Variants in ME1 observed in about 807,000 individuals in gnomAD.
The protein encoded by ME1 is malic enzyme 1, also known as NADP-dependent malic enzyme.
A neutral mutation model predicts 66.4 loss-of-function variants in ME1; 74 were observed. The observed-to-expected ratio is 1.11, with a 90% CI of 0.92 to 1.35. ME1 has a LOEUF of 1.35. Among genes scored for constraint, ME1 ranks in the 40% most tolerant of loss-of-function variants. ME1 has a pLI of 0.00. For missense variants in ME1, 750 were observed against 694.1 expected (o/e 1.08, Z -0.90); for synonymous variants, 251 against 235.6 (o/e 1.07, Z -0.60).
chr6:83,245,470 A>T (rs144789846), intron 7 of ME1, among the ~76,000 whole-genome samples: 4,022 of 152,166 alleles, frequency 0.026, 82 homozygotes, highest in Admixed American at 0.055. Context: ...CAATGGCATG[A>T]TCTCGGCTCA....
intron 13 of ME1, among the ~76,000 whole-genome samples, chr6:83,216,295 C>T (rs1036779047): frequency 1.3e-5 from 2 of 152,130 alleles, no homozygotes; most frequent in Admixed American, 6.6e-5. Context: ...ATTAATTATT[C>T]GGCCCAATAC....
At chr6:83,248,432 G>A (rs1011662452) in intron 7 of ME1, among the ~76,000 whole-genome samples, 8 of 152,060 alleles carry the variant, frequency 5.3e-5, no homozygotes, top group African/African-American at 1.4e-4. Context: ...TGTTTGTAGC[G>A]CCAAAGGCAC....
intron 1 of ME1, among the ~76,000 whole-genome samples, chr6:83,420,746 T>C (rs1370662366): frequency 6.6e-6 from 1 of 152,178 alleles, no homozygotes; most frequent in Non-Finnish European, 1.5e-5. Flanking sequence ...GATTCATTCA[T>C]TCAACAAATT....
intron 5 of ME1, among the ~76,000 whole-genome samples, chr6:83,325,290 T>A (rs551209005): frequency 6.6e-6 from 1 of 152,322 alleles, no homozygotes; most frequent in Non-Finnish European, 1.5e-5. Flanking sequence ...AAGCATTCCC[T>A]TTCAAAACTG....
At chr6:83,224,033 T>C in intron 11 of ME1, 100 bp from the exon 12 acceptor site, 1 of 1,071,762 alleles carries the variant, frequency 9.3e-7, no homozygotes, top group Non-Finnish European at 1.3e-6. Context: ...TTATAAGTAC[T>C]TAGAAAGAAG....
chr6:83,349,015 A>ACAAAAC (rs1768747856), intron 4 of ME1, among the ~76,000 whole-genome samples: 1 of 124,026 alleles, frequency 8.1e-6, no homozygotes, highest in Non-Finnish European at 1.7e-5. Context: ...AAAACAAAAA[A>ACAAAAC]CAGTGCATTC....
chr6:83,315,524 AT>A (rs1768015319), intron 5 of ME1, 111 bp from the exon 6 acceptor site: 1 of 649,718 alleles, frequency 1.5e-6, no homozygotes, highest in East Asian at 2.7e-5. Context: ...AAATCTTACC[AT>A]ACTGATTCAG....
chr6:83,303,175 G>A (rs1490648353), intron 6 of ME1, among the ~76,000 whole-genome samples: 1 of 152,114 alleles, frequency 6.6e-6, no homozygotes, highest in African/African-American at 2.4e-5. Context: ...GATACAATCA[G>A]ATGATACTGA....
intron 12 of ME1, among the ~76,000 whole-genome samples, chr6:83,217,780 C>T (rs1012942894): frequency 4.6e-5 from 7 of 151,980 alleles, no homozygotes; most frequent in African/African-American, 1.5e-4. Context: ...GTGAGCTGGA[C>T]TCAGCAGGCC....
Position 83,280,196 on chromosome 6 carries a change from A to G in ME1, c.705-26458T>C, listed in dbSNP as rs533419111. Among the ~76,000 whole-genome samples, 7 of 152,328 alleles carry G rather than the reference A, an allele frequency of 4.6e-5. No homozygotes were observed. In the South Asian group the frequency reaches 1.4e-3, roughly 32 times the overall value. On this transcript the variant is annotated intron_variant, in intron 6 of 13. Transcript: ENST00000369705. ...AAAGGAAGAGCATTAGAGAAGAAATACATTAAGGTAAAATAAAATATTTTT... is the reference window on the plus strand; with the variant it reads ...AAAGGAAGAGCATTAGAGAAGAAATGCATTAAGGTAAAATAAAATATTTTT...
At chr6:83,314,086 T>C (rs1159151623) in intron 6 of ME1, among the ~76,000 whole-genome samples, 1 of 152,176 alleles carries the variant, frequency 6.6e-6, no homozygotes, top group Non-Finnish European at 1.5e-5. Flanking sequence ...TTTTAAATAG[T>C]ATGTGGTTTC....
intron 5 of ME1, among the ~76,000 whole-genome samples, chr6:83,324,371 A>G (rs574524264): frequency 7.2e-5 from 11 of 151,776 alleles, no homozygotes; most frequent in Non-Finnish European, 1.5e-4. Context: ...GACATGAAAA[A>G]CCCTTAAAAA....
intron 3 of ME1, among the ~76,000 whole-genome samples, chr6:83,354,936 G>C (rs1164837665): frequency 6.6e-6 from 1 of 152,120 alleles, no homozygotes; most frequent in Non-Finnish European, 1.5e-5. Context: ...GACTCATTAA[G>C]TAACCCAAAA....
chr6:83,423,262 T>C (rs1770306246), intron 1 of ME1, among the ~76,000 whole-genome samples: 1 of 151,448 alleles, frequency 6.6e-6, no homozygotes, highest in Non-Finnish European at 1.5e-5. Flanking sequence ...ATTGAAAATA[T>C]CCTTCACAAA....
intron 6 of ME1, among the ~76,000 whole-genome samples, chr6:83,310,372 A>G (rs1317488280): frequency 6.6e-6 from 1 of 152,188 alleles, no homozygotes; most frequent in East Asian, 1.9e-4. Flanking sequence ...AGGCAGCTCA[A>G]CTTCTCCTTC....
chr6:83,324,337 C>T (rs955384365), intron 5 of ME1, among the ~76,000 whole-genome samples: 1 of 151,238 alleles, frequency 6.6e-6, no homozygotes, highest in Non-Finnish European at 1.5e-5. Context: ...TAACTAAGAT[C>T]AGAGCAGAAC....
chr6:83,312,745 G>A (rs1447213861), intron 6 of ME1, among the ~76,000 whole-genome samples: 1 of 151,894 alleles, frequency 6.6e-6, no homozygotes, highest in Non-Finnish European at 1.5e-5. Flanking sequence ...TATCCCAATG[G>A]GTACTCCTTT....
intron 2 of ME1, among the ~76,000 whole-genome samples, chr6:83,401,316 T>C (rs1159690066): frequency 6.6e-6 from 1 of 152,146 alleles, no homozygotes; most frequent in Non-Finnish European, 1.5e-5. Flanking sequence ...GCCTGGGCAA[T>C]AGAGTGAGAC....
chr6:83,365,123 G>A (rs1278044623), intron 3 of ME1, among the ~76,000 whole-genome samples: 1 of 151,922 alleles, frequency 6.6e-6, no homozygotes. Flanking sequence ...ACAAAGTATC[G>A]CTCTTGTTGC....
Sources: gnomAD v4.1 joint callset for allele counts (sites outside exome capture counted in the v4.1 genomes callset) on GRCh38, gnomAD v4.1.1 for gene constraint, MANE v1.5 for transcripts, NCBI Gene and HGNC (gene_info 2026-07-23, HGNC 2026-07-21) for gene names.